Variants in DTNB observed in about 807,000 individuals in gnomAD.
DTNB encodes dystrobrevin beta, also known as DTN-B.
A neutral mutation model predicts 90.7 loss-of-function variants in DTNB; 63 were observed. The ratio of observed to expected loss-of-function variants is 0.69; its 90% CI spans 0.57 to 0.86. The LOEUF is 0.86. Among genes scored for constraint, DTNB ranks in the 40% least tolerant of loss-of-function variants. The probability of loss-of-function intolerance (pLI) is 0.00; values close to 1 mark genes in which losing one functional copy is unlikely to be tolerated. For synonymous variants in DTNB, 277 were observed against 286.7 expected (o/e 0.97, Z 0.34); for missense variants, 744 against 807.1 (o/e 0.92, Z 0.95).
chr2:25,657,720 C>T (rs2082333530), intron 1 of DTNB, among the ~76,000 whole-genome samples: 1 of 151,938 alleles, frequency 6.6e-6, no homozygotes, highest in Non-Finnish European at 1.5e-5. Context: ...AACCCTGTCT[C>T]AAACAAACAA....
At chr2:25,524,178 G>T (rs969045318) in intron 9 of DTNB, among the ~76,000 whole-genome samples, 2 of 152,052 alleles carry the variant, frequency 1.3e-5, no homozygotes, top group East Asian at 3.9e-4. Flanking sequence ...TGGGATCACA[G>T]GCATGAGCCA....
At position 25,424,828 on chromosome 2, in the gene DTNB, C is replaced by A. The variant is rs968687900; in HGVS notation, c.1554+2707G>T. On this transcript the variant is annotated intron_variant, in intron 15 of 20. Transcript: ENST00000406818. The surrounding 1 kb of genome is among the most constrained non-coding windows in gnomAD (Gnocchi z 4.1). Reference sequence around the variant, plus strand: ...GATTATAGGCACGTGCCACCGTGCCCGGCTAATTTTTGTGTTTTTAGTAGA... The same window carrying A: ...GATTATAGGCACGTGCCACCGTGCCAGGCTAATTTTTGTGTTTTTAGTAGA... Among the ~76,000 whole-genome samples the A allele has an allele frequency of 6.6e-6, 1 of 152,066 alleles. No homozygotes were observed. The highest frequency in any genetic ancestry group is 2.4e-5 in the African/African-American group (1 of 41,402).
intron 8 of DTNB, among the ~76,000 whole-genome samples, chr2:25,544,866 T>G (rs1036766350): frequency 1.3e-5 from 2 of 152,250 alleles, no homozygotes; most frequent in African/African-American, 4.8e-5. Flanking sequence ...TGCCTCAAAT[T>G]ATTTTTTGCT....
At chr2:25,558,526 G>T in intron 8 of DTNB, 1 of 444,878 alleles carries the variant, frequency 2.2e-6, no homozygotes. Flanking sequence ...ACACTTCTTT[G>T]TAATGGAAAA....
chr2:25,629,029 C>A (rs1046980106), intron 3 of DTNB, among the ~76,000 whole-genome samples: 1 of 152,038 alleles, frequency 6.6e-6, no homozygotes, highest in Non-Finnish European at 1.5e-5. Flanking sequence ...GACAAAAATT[C>A]CTGGATGGAA....
intron 1 of DTNB, among the ~76,000 whole-genome samples, chr2:25,665,994 G>C (rs922081759): frequency 6.6e-6 from 1 of 152,138 alleles, no homozygotes; most frequent in Non-Finnish European, 1.5e-5. Flanking sequence ...CATCCAGTAA[G>C]AGCCCAATAA....
At chr2:25,399,633 C>T (rs2043215467) in intron 16 of DTNB, among the ~76,000 whole-genome samples, 2 of 62,884 alleles carry the variant, frequency 3.2e-5, no homozygotes, top group South Asian at 8.9e-4. Context: ...AGTGCTGGGC[C>T]CAGCCAACCA....
chr2:25,392,284 C>A (rs908492321), intron 16 of DTNB, among the ~76,000 whole-genome samples: 1 of 152,042 alleles, frequency 6.6e-6, no homozygotes, highest in Non-Finnish European at 1.5e-5. Context: ...GTGGCACGCA[C>A]CTGTAATCCC....
chr2:25,496,981 C>T (rs1051042465), intron 9 of DTNB, among the ~76,000 whole-genome samples: 50 of 152,190 alleles, frequency 3.3e-4, no homozygotes, highest in African/African-American at 1.1e-3. Flanking sequence ...AATATAAAGG[C>T]GAAGAATAAC....
At chr2:25,544,072 G>A in intron 8 of DTNB, among the ~76,000 whole-genome samples, 1 of 152,206 alleles carries the variant, frequency 6.6e-6, no homozygotes, top group East Asian at 1.9e-4. Flanking sequence ...CCACGGCAGT[G>A]AGGCATTCTA....
intron 1 of DTNB, among the ~76,000 whole-genome samples, chr2:25,658,794 G>A (rs1414573691): frequency 1.3e-5 from 2 of 152,172 alleles, no homozygotes; most frequent in Admixed American, 6.5e-5. Context: ...GGTGAAGCAC[G>A]GGGCAATTTT....
At chr2:25,392,966 C>T (rs561261768) in intron 16 of DTNB, among the ~76,000 whole-genome samples, 1 of 152,278 alleles carries the variant, frequency 6.6e-6, no homozygotes, top group African/African-American at 2.4e-5. Context: ...AGACCAATAT[C>T]CCTGATGCAC....
intron 2 of DTNB, among the ~76,000 whole-genome samples, chr2:25,649,005 T>A (rs1174231106): frequency 1.5e-5 from 2 of 131,932 alleles, no homozygotes; most frequent in Non-Finnish European, 3.3e-5. Flanking sequence ...TTTTTTTTTT[T>A]TTTTTTTTTT....
chr2:25,380,431 T>C (rs72812110), intron 19 of DTNB, among the ~76,000 whole-genome samples: 39,164 of 152,134 alleles, frequency 0.26, 5,306 homozygotes, highest in Non-Finnish European at 0.31. Flanking sequence ...TCCTAGAACC[T>C]ATATAATGTG....
At position 25,391,175 on chromosome 2, in the gene DTNB, T is replaced by G. The variant is rs914020962; in HGVS notation, c.1576-2814A>C. Among the ~76,000 whole-genome samples, 14 of 152,064 alleles carry G rather than the reference T, an allele frequency of 9.2e-5. No homozygotes were observed. In the East Asian group the frequency reaches 1.3e-3, roughly 15 times the overall value. On this transcript the variant is annotated intron_variant, in intron 16 of 20. Transcript: ENST00000406818. ...CCTCCCAAAGTGCTGGGATTACAGG[T>G]GTGAGCCACCGCGCCTGGCCTAGGC...
intron 6 of DTNB, among the ~76,000 whole-genome samples, chr2:25,585,226 T>A (rs2062166892): frequency 6.6e-6 from 1 of 152,240 alleles, no homozygotes; most frequent in South Asian, 2.1e-4. Flanking sequence ...TCTACATACT[T>A]GTGAACAGAA....
chr2:25,394,748 T>A (rs1029079899), intron 16 of DTNB, among the ~76,000 whole-genome samples: 4 of 152,124 alleles, frequency 2.6e-5, no homozygotes, highest in African/African-American at 9.7e-5. Flanking sequence ...TCGGTGTGAA[T>A]GCAGTGAAAA....
intron 16 of DTNB, among the ~76,000 whole-genome samples, chr2:25,395,214 T>C (rs1315240242): frequency 3.9e-5 from 6 of 152,114 alleles, no homozygotes; most frequent in Non-Finnish European, 7.4e-5. Flanking sequence ...TATATTGGAC[T>C]TTGGGGACTC....
chr2:25,598,280 T>C (rs1483675603), intron 5 of DTNB, among the ~76,000 whole-genome samples: 1 of 151,892 alleles, frequency 6.6e-6, no homozygotes, highest in Non-Finnish European at 1.5e-5. Context: ...GTAATCTCAA[T>C]CTTGATATAG....
Sources: gnomAD v4.1 joint callset for allele counts (sites outside exome capture counted in the v4.1 genomes callset) on GRCh38, gnomAD v4.1.1 for gene constraint, Gnocchi (gnomAD v3.1) non-coding constraint, MANE v1.5 for transcripts, NCBI Gene and HGNC (gene_info 2026-07-23, HGNC 2026-07-21) for gene names.